SMURF2: variants seen among roughly 807,000 people sequenced by gnomAD.
SMURF2 encodes E3 ubiquitin-protein ligase SMURF2.
In SMURF2, 48 loss-of-function variants were observed where a neutral mutation model predicts 109.6. That is an observed-to-expected ratio of 0.44 (90% CI 0.35 to 0.56). The LOEUF (loss-of-function observed/expected upper bound fraction) is 0.56. Ranked by LOEUF, SMURF2 falls within the 20% of genes least tolerant of loss-of-function variation. The probability of loss-of-function intolerance (pLI) is 0.01; values close to 1 mark genes in which losing one functional copy is unlikely to be tolerated. For synonymous variants in SMURF2, 288 were observed against 317.1 expected (o/e 0.91, Z 0.97); for missense variants, 575 against 909.0 (o/e 0.63, Z 4.72).
At chr17:64,657,531 G>GAA (rs534124509) in intron 1 of SMURF2, among the ~76,000 whole-genome samples, 4 of 134,824 alleles carry the variant, frequency 3.0e-5, no homozygotes, top group African/African-American at 1.1e-4. Flanking sequence ...ATCTGTACTG[G>GAA]AAAAAAAAAA....
intron 1 of SMURF2, among the ~76,000 whole-genome samples, chr17:64,656,855 T>C (rs1419676873): frequency 6.6e-6 from 1 of 152,150 alleles, no homozygotes; most frequent in African/African-American, 2.4e-5. Flanking sequence ...TGCTCCCAGA[T>C]TGTGTCTAAA....
chr17:64,579,682 A>G (rs1969552978), intron 8 of SMURF2, among the ~76,000 whole-genome samples: 1 of 152,212 alleles, frequency 6.6e-6, no homozygotes, highest in Non-Finnish European at 1.5e-5. Context: ...TATGCCAGAC[A>G]CTGTGCCAGC....
rs1970226141 is a variant in SMURF2, at chr17:64,623,124, T to A, written c.53-16484A>T. ...CTGATGGAAAATGCTCTAGGCTCATTTAAGTTCCCTACCCTGGCCTCAGAA... is the reference window on the plus strand; with the variant it reads ...CTGATGGAAAATGCTCTAGGCTCATATAAGTTCCCTACCCTGGCCTCAGAA... On this transcript the variant is annotated intron_variant, in intron 1 of 18. Transcript: ENST00000262435. Among the ~76,000 whole-genome samples the A allele has an allele frequency of 1.3e-5, 2 of 152,052 alleles. 1 individual carries two copies. The highest frequency in any genetic ancestry group is 4.8e-5 in the African/African-American group (2 of 41,394).
intron 1 of SMURF2, among the ~76,000 whole-genome samples, chr17:64,640,481 T>G (rs973785427): frequency 3.9e-5 from 6 of 152,068 alleles, no homozygotes; most frequent in African/African-American, 1.5e-4. Flanking sequence ...TTATATAAGG[T>G]CTTGGATAAA....
intron 1 of SMURF2, among the ~76,000 whole-genome samples, chr17:64,641,547 C>G (rs1970492959): frequency 6.6e-6 from 1 of 152,126 alleles, no homozygotes; most frequent in Non-Finnish European, 1.5e-5. Flanking sequence ...TAGGCTAAGT[C>G]AGAAAAGGAG....
intron 1 of SMURF2, among the ~76,000 whole-genome samples, chr17:64,649,473 G>A (rs1227139231): frequency 6.6e-6 from 1 of 152,170 alleles, no homozygotes; most frequent in South Asian, 2.1e-4. Flanking sequence ...GGAAGGAACA[G>A]AGAAGTATAG....
intron 16 of SMURF2, among the ~76,000 whole-genome samples, chr17:64,550,094 T>C (rs1969019717): frequency 6.6e-6 from 1 of 152,252 alleles, no homozygotes; most frequent in South Asian, 2.1e-4. Context: ...CTTATCGGCA[T>C]TCCTGCTATG....
intron 1 of SMURF2, among the ~76,000 whole-genome samples, chr17:64,621,211 T>G (rs1281856772): frequency 6.6e-6 from 1 of 152,202 alleles, no homozygotes; most frequent in East Asian, 1.9e-4. Flanking sequence ...AGTGCAAAGG[T>G]ATTTAGCTTT....
At position 64,562,761 on chromosome 17, in the gene SMURF2, G is replaced by C; in HGVS notation, c.1212+10C>G. The C allele has an allele frequency of 1.2e-6, 2 of 1,609,628 alleles. No individual in the cohort carries two copies. Among genetic ancestry groups the C allele is most frequent in the Non-Finnish European group, 1.7e-6 (2 of 1,177,734 alleles). On this transcript the variant is annotated intron_variant, in intron 11 of 18. Coordinates refer to ENST00000262435, the MANE Select transcript of SMURF2 (RefSeq NM_022739.4). The stretch of plus-strand genomic sequence containing the variant: ...AAAATAGTAAAACAAAATAAGGCTC[G>C]TAAATTTACCTCAAAAATCTCTTCC...
intron 1 of SMURF2, among the ~76,000 whole-genome samples, chr17:64,654,893 T>A (rs1167422191): frequency 6.6e-6 from 1 of 151,446 alleles, no homozygotes; most frequent in Non-Finnish European, 1.5e-5. Flanking sequence ...CCCAGGCTGG[T>A]CTCGAACTCC....
At chr17:64,608,792 T>C (rs1970005885) in intron 1 of SMURF2, among the ~76,000 whole-genome samples, 1 of 152,086 alleles carries the variant, frequency 6.6e-6, no homozygotes, top group Non-Finnish European at 1.5e-5. Context: ...CTATCTCATA[T>C]CTAAACCACC....
chr17:64,591,729 T>C (rs1332861579), intron 4 of SMURF2, among the ~76,000 whole-genome samples: 1 of 152,208 alleles, frequency 6.6e-6, no homozygotes. Flanking sequence ...CAATGTCACC[T>C]AAAGTACGCT....
intron 1 of SMURF2, 83 bp from the exon 2 acceptor site, chr17:64,606,723 G>T: frequency 1.0e-6 from 1 of 990,174 alleles, no homozygotes; most frequent in Non-Finnish European, 1.5e-6. Context: ...ACGGAAAACA[G>T]CAGTGAATAG....
intron 2 of SMURF2, among the ~76,000 whole-genome samples, chr17:64,604,072 T>G (rs1270609287): frequency 6.6e-6 from 1 of 152,218 alleles, no homozygotes; most frequent in African/African-American, 2.4e-5. Context: ...TAGGAATTAC[T>G]GTCTCTGAAA....
At chr17:64,578,599 T>C (rs782532938) in intron 8 of SMURF2, 23 bp from the exon 9 acceptor site, 1 of 1,522,678 alleles carries the variant, frequency 6.6e-7, no homozygotes, top group Admixed American at 1.7e-5. Flanking sequence ...TAAACACTGA[T>C]AACAAAAACA....
At chr17:64,582,497 C>T (rs997611629) in intron 7 of SMURF2, among the ~76,000 whole-genome samples, 7 of 152,216 alleles carry the variant, frequency 4.6e-5, no homozygotes. Context: ...TGTCTTTATA[C>T]AGTAAGCTCC....
chr17:64,597,768 CT>C (rs1470763281), intron 3 of SMURF2, among the ~76,000 whole-genome samples: 2 of 131,018 alleles, frequency 1.5e-5, no homozygotes, highest in African/African-American at 3.5e-5. Flanking sequence ...GCAAGACTGT[CT>C]CAAAAAAAAA....
intron 1 of SMURF2, among the ~76,000 whole-genome samples, chr17:64,625,370 A>G (rs1275148724): frequency 6.6e-6 from 1 of 152,214 alleles, no homozygotes; most frequent in Non-Finnish European, 1.5e-5. Flanking sequence ...TTAAATCCCC[A>G]AATCATTAAC....
intron 5 of SMURF2, among the ~76,000 whole-genome samples, chr17:64,590,372 A>T (rs1969734740): frequency 6.6e-6 from 1 of 151,792 alleles, no homozygotes; most frequent in Admixed American, 6.6e-5. Context: ...CGAACTCCTG[A>T]CTTCAGGTGA....
Sources: gnomAD v4.1 joint callset for allele counts (sites outside exome capture counted in the v4.1 genomes callset) on GRCh38, gnomAD v4.1.1 for gene constraint, MANE v1.5 for transcripts, NCBI Gene and HGNC (gene_info 2026-07-23, HGNC 2026-07-21) for gene names.